The following NEBL variants were observed in gnomAD, a reference collection of about 807,000 sequenced individuals.
NEBL encodes the protein nebulette, also known as LIM and SH3 protein 2.
In NEBL, 122 loss-of-function variants were observed where a neutral mutation model predicts 140.2. The observed-to-expected ratio is 0.87, with a 90% CI of 0.75 to 1.01. The LOEUF is 1.01. Ranked by LOEUF, NEBL falls within the 50% of genes least tolerant of loss-of-function variation. NEBL has a pLI of 0.00. For missense variants in NEBL, 1,365 were observed against 1,231.3 expected, an observed-to-expected ratio of 1.11 and a Z score of -1.62; for synonymous variants, 436 against 398.9, an observed-to-expected ratio of 1.09 and a Z score of -1.11.
intron 2 of NEBL, among the ~76,000 whole-genome samples, chr10:21,063,486 G>T (rs1407239653): frequency 1.3e-5 from 2 of 152,160 alleles, no homozygotes; most frequent in Non-Finnish European, 2.9e-5. Flanking sequence ...CCTCTTTAAT[G>T]AAATCCATGG....
chr10:21,208,306 A>T (rs1841861786), intron 3 of NEBL, among the ~76,000 whole-genome samples: 1 of 152,220 alleles, frequency 6.6e-6, no homozygotes, highest in Non-Finnish European at 1.5e-5. Context: ...GTATCTCAAA[A>T]GGAAAAATTA....
At chr10:21,031,087 C>T (rs1833760353) in intron 2 of NEBL, among the ~76,000 whole-genome samples, 1 of 152,250 alleles carries the variant, frequency 6.6e-6, no homozygotes, top group African/African-American at 2.4e-5. Flanking sequence ...TTGACAATGG[C>T]TGTCTTCGTG....
intron 26 of NEBL, among the ~76,000 whole-genome samples, chr10:20,798,124 A>AAAT (rs1836751223): frequency 1.3e-5 from 2 of 151,866 alleles, no homozygotes; most frequent in Admixed American, 1.3e-4. Flanking sequence ...AAAAAAAAAA[A>AAAT]AATGTAGCAT....
At chr10:21,233,596 G>GTATCTATATATACATATATAGATATA (rs1842294848) in intron 3 of NEBL, among the ~76,000 whole-genome samples, 1 of 143,542 alleles carries the variant, frequency 7.0e-6, no homozygotes, top group Non-Finnish European at 1.5e-5. Flanking sequence ...ACATATTTAT[G>GTATCTATATATACATATATAGATATA]TATCTATATA....
At chr10:20,947,444 G>A (rs1056750545) in intron 4 of NEBL, among the ~76,000 whole-genome samples, 6 of 152,046 alleles carry the variant, frequency 3.9e-5, no homozygotes, top group African/African-American at 1.2e-4. Context: ...CCTTCTCTTA[G>A]GACAACATTC....
chr10:20,992,130 T>C (rs987852734), intron 3 of NEBL, among the ~76,000 whole-genome samples: 3 of 152,244 alleles, frequency 2.0e-5, no homozygotes, highest in East Asian at 3.8e-4. Context: ...TTAAAAGTAA[T>C]GAAATAAATT....
chr10:20,785,736 G>C lies in NEBL; in HGVS notation c.*11C>G, dbSNP rs765467164. The C allele has an allele frequency of 6.2e-7, 1 of 1,612,578 alleles. No individual in the cohort carries two copies. Among genetic ancestry groups the C allele is most frequent in the Non-Finnish European group, 8.5e-7 (1 of 1,179,382 alleles). ...ACATTAGAATAAAGCTCAAAGGGCAGGGAGAAATAATTAATTAACAAACTC... is the reference window on the plus strand; with the variant it reads ...ACATTAGAATAAAGCTCAAAGGGCACGGAGAAATAATTAATTAACAAACTC... On this transcript the variant is annotated 3_prime_UTR_variant, in exon 28 of 28. Transcript: ENST00000377122.
At chr10:21,211,508 C>G (rs1841914793) in intron 3 of NEBL, among the ~76,000 whole-genome samples, 1 of 152,098 alleles carries the variant, frequency 6.6e-6, no homozygotes, top group Non-Finnish European at 1.5e-5. Flanking sequence ...AAACAAAACC[C>G]TAAGGTTTTT....
intron 2 of NEBL, among the ~76,000 whole-genome samples, chr10:21,248,529 G>A (rs745413933): frequency 3.3e-5 from 5 of 152,068 alleles, no homozygotes; most frequent in South Asian, 2.1e-4. Context: ...AAGAACATTC[G>A]ATACATGTAG....
Position 20,865,806 on chromosome 10 carries a change from A to G in NEBL, c.684+2858T>C, listed in dbSNP as rs1012557462. On this transcript the variant is annotated intron_variant, in intron 7 of 27. Coordinates refer to ENST00000377122, the MANE Select transcript of NEBL (RefSeq NM_006393.3). ...CCTTGTTAACTGTAAAACAATTACT[A>G]TGAGGCACAATTGCATTTGGGCATC... 2.0e-5 allele frequency among the ~76,000 whole-genome samples: 3 copies of G among 152,182 alleles called. No homozygotes were observed. The South Asian group carries it at 6.2e-4, about 31-fold the overall frequency.
Position 21,173,855 on chromosome 10 carries a change from C to G in NEBL, c.-22G>C. 1 of 1,606,800 alleles carries G rather than the reference C, an allele frequency of 6.2e-7. No homozygotes were observed. The highest frequency in any genetic ancestry group is 8.5e-7 in the Non-Finnish European group (1 of 1,178,542). On this transcript the variant is annotated 5_prime_UTR_variant, in exon 1 of 7. Coordinates refer to the NEBL transcript ENST00000417816. The surrounding 1 kb of genome is among the most constrained non-coding windows in gnomAD (Gnocchi z 5.7). ...TCATGATCGCGGTTCCCGGGGGCGG[C>G]GGCGGCGGCGGCTGCTGGCTCCCAG...
chr10:21,189,317 C>G (rs1350650274), intron 3 of NEBL, among the ~76,000 whole-genome samples: 2 of 152,054 alleles, frequency 1.3e-5, no homozygotes, highest in Non-Finnish European at 2.9e-5. Context: ...AGTGATGCAA[C>G]CACAAGCCAA....
At chr10:20,823,406 C>A in intron 18 of NEBL, 106 bp from the exon 19 acceptor site, 1 of 811,738 alleles carries the variant, frequency 1.2e-6, no homozygotes, top group Non-Finnish European at 1.9e-6. Flanking sequence ...TTATTAATTC[C>A]AACATTACTT....
chr10:21,031,499 A>G (rs1564486802), intron 2 of NEBL, among the ~76,000 whole-genome samples: 1 of 152,256 alleles, frequency 6.6e-6, no homozygotes, highest in Non-Finnish European at 1.5e-5. Context: ...AGATGCAGCA[A>G]CTTCAGGCAG....
chr10:21,142,239 C>T (rs1233123244), intron 2 of NEBL, among the ~76,000 whole-genome samples: 1 of 152,072 alleles, frequency 6.6e-6, no homozygotes, highest in Non-Finnish European at 1.5e-5. Context: ...CCACATGGAC[C>T]AACCAAATAG....
intron 13 of NEBL, among the ~76,000 whole-genome samples, chr10:20,837,882 A>T (rs550791564): frequency 6.6e-6 from 1 of 152,170 alleles, no homozygotes; most frequent in South Asian, 2.1e-4. Flanking sequence ...ATGACAGCAC[A>T]TTTGTTTAAA....
chr10:21,171,648 C>T (rs1841080792), intron 2 of NEBL: 1 of 152,492 alleles, frequency 6.6e-6, no homozygotes. Flanking sequence ...ATTAAATGAT[C>T]AGTATGCATA....
rs11012480 is a variant in NEBL, at chr10:21,007,046, G to T, written c.249+13071C>A. On this transcript the variant is annotated intron_variant, in intron 3 of 6. Coordinates refer to the NEBL transcript ENST00000417816. ...GAAAGAGGAAAAGAGTCACTTTGGG[G>T]TTTCTTTCAAAGAAAGGATAAACAT... Among the ~76,000 whole-genome samples the T allele has an allele frequency of 5.9e-5, 9 of 151,980 alleles. No individual in the cohort carries two copies. The East Asian group carries it at 1.7e-3, about 29-fold the overall frequency.
chr10:20,880,855 G>C lies in NEBL; in HGVS notation c.419C>G (p.Ala140Gly), dbSNP rs1564415688. 4.3e-6 allele frequency: 7 copies of C among 1,613,942 alleles called. No homozygotes were observed. Among genetic ancestry groups the C allele is most frequent in the Non-Finnish European group, 5.9e-6 (7 of 1,180,010 alleles). ...AACCTCAGGGGGCTCCTTCATGTGG[G>C]CATAATCTGAGAATCCTTTGGCAGC... is the stretch of plus-strand genomic sequence containing the variant. ...HDAAKGFSDY[A>G]HMKEPPEVKH... Residue 140 changes from alanine to glycine, a missense_variant, in exon 5 of 28, where the codon GCC (alanine) becomes GGC (glycine). By Grantham distance (60) the Ala-to-Gly change is moderately conservative. Coordinates refer to ENST00000377122, the MANE Select transcript of NEBL (RefSeq NM_006393.3).
Sources: gnomAD v4.1 joint callset for allele counts (sites outside exome capture counted in the v4.1 genomes callset) on GRCh38, gnomAD v4.1.1 for gene constraint, Gnocchi (gnomAD v3.1) non-coding constraint, MANE v1.5 for transcripts, NCBI Gene and HGNC (gene_info 2026-07-23, HGNC 2026-07-21) for gene names.